DOCK8: variants seen among roughly 807,000 people sequenced by gnomAD.
DOCK8 encodes dedicator of cytokinesis 8, also known as dedicator of cytokinesis protein 8.
Under a neutral mutation model 245.6 loss-of-function variants are expected in DOCK8, and 141 were observed. That is an observed-to-expected ratio of 0.57 (90% CI 0.50 to 0.66). The LOEUF (loss-of-function observed/expected upper bound fraction) is 0.66. Among genes scored for constraint, DOCK8 ranks in the 30% least tolerant of loss-of-function variants. The probability of loss-of-function intolerance (pLI) is 0.00; values close to 1 mark genes in which losing one functional copy is unlikely to be tolerated. For synonymous variants in DOCK8, 1,168 were observed against 970.2 expected (o/e 1.20, Z -3.79); for missense variants, 2,965 against 2,603.4 (o/e 1.14, Z -3.02).
chr9:292,292 C>G (rs1339319974), intron 4 of DOCK8, among the ~76,000 whole-genome samples: 1 of 140,766 alleles, frequency 7.1e-6, no homozygotes, highest in African/African-American at 2.6e-5. Flanking sequence ...ATCACTTGAT[C>G]CTCTAAAAAT....
intron 1 of DOCK8, among the ~76,000 whole-genome samples, chr9:237,832 TA>T (rs1275824838): frequency 2.6e-5 from 4 of 152,272 alleles, no homozygotes; most frequent in South Asian, 4.1e-4. Flanking sequence ...AATATTGAGA[TA>T]TTTTTAAACA....
At chr9:423,176 G>A (rs1470137172) in intron 33 of DOCK8, among the ~76,000 whole-genome samples, 4 of 151,658 alleles carry the variant, frequency 2.6e-5, no homozygotes, top group Admixed American at 6.6e-5. Context: ...AATATATATT[G>A]TTACCAGAAA....
At chr9:417,746 G>C (rs1391270046) in intron 29 of DOCK8, among the ~76,000 whole-genome samples, 1 of 151,826 alleles carries the variant, frequency 6.6e-6, no homozygotes, top group East Asian at 1.9e-4. Context: ...TCTTCTATTT[G>C]GTCATTATTT....
intron 24 of DOCK8, among the ~76,000 whole-genome samples, chr9:396,309 C>G (rs143755347): frequency 1.3e-5 from 2 of 152,282 alleles, no homozygotes; most frequent in East Asian, 1.9e-4. Context: ...CACTGAAACT[C>G]AAGATAGGAG....
In DOCK8 at chr9:434,778, T is replaced by C; in HGVS notation, c.4887-5T>C. On this transcript the variant is annotated splice_polypyrimidine_tract_variant and splice_region_variant and intron_variant, in intron 38 of 47. Transcript: ENST00000432829. ...AAAACTACTTCTCACTCAATCTGTC[T>C]TCAGAATTGCCAAGAGTTACCAGGC... 1 of 1,613,986 alleles carries C rather than the reference T, an allele frequency of 6.2e-7. No homozygotes were observed.
intron 1 of DOCK8, among the ~76,000 whole-genome samples, chr9:264,025 G>T (rs1388278102): frequency 1.3e-5 from 2 of 152,134 alleles, no homozygotes; most frequent in Non-Finnish European, 2.9e-5. Context: ...TTCTGCTCCA[G>T]TTTCATCTCT....
At chr9:436,627 G>C (rs543214493) in intron 39 of DOCK8, among the ~76,000 whole-genome samples, 67 of 152,102 alleles carry the variant, frequency 4.4e-4, no homozygotes, top group African/African-American at 1.4e-3. Flanking sequence ...ATTTTACCTA[G>C]AATTCAGTTG....
At chr9:408,332 T>A (rs1353951428) in intron 28 of DOCK8, among the ~76,000 whole-genome samples, 3 of 152,194 alleles carry the variant, frequency 2.0e-5, no homozygotes, top group African/African-American at 7.2e-5. Context: ...TATGTCTGCG[T>A]CTCCTGGCAG....
chr9:333,038 G>T (rs145541723), intron 10 of DOCK8, among the ~76,000 whole-genome samples: 19 of 152,232 alleles, frequency 1.2e-4, no homozygotes, highest in African/African-American at 4.6e-4. Context: ...TAACTTGATT[G>T]GGGCAAGGCC....
intron 14 of DOCK8, among the ~76,000 whole-genome samples, chr9:366,754 C>T: frequency 6.6e-6 from 1 of 152,150 alleles, no homozygotes; most frequent in Non-Finnish European, 1.5e-5. Context: ...CACATTTTTG[C>T]TCAACGCCCC....
At position 368,437 on chromosome 9, in the gene DOCK8, A is replaced by G. The variant is rs928162544; in HGVS notation, c.1797+302A>G. The G allele has an allele frequency of 9.7e-6, 6 of 618,268 alleles. No individual in the cohort carries two copies. The African/African-American group carries it at 1.1e-4, about 11-fold the overall frequency. The allele number at this position is 618,268 out of a possible 1,614,324, so 38.3% of individuals were successfully genotyped here. On this transcript the variant is annotated intron_variant, in intron 15 of 47. Coordinates refer to ENST00000432829, the MANE Select transcript of DOCK8 (RefSeq NM_203447.4). ...GGACCACCCCACTCTAAAGGCATACAAAGTAAAGAGATGGCTCAACACGTG... is the reference window on the plus strand; with the variant it reads ...GGACCACCCCACTCTAAAGGCATACGAAGTAAAGAGATGGCTCAACACGTG...
intron 2 of DOCK8, among the ~76,000 whole-genome samples, chr9:281,235 G>C (rs1445203706): frequency 4.6e-5 from 7 of 150,812 alleles, no homozygotes; most frequent in Admixed American, 4.6e-4. Flanking sequence ...GCAACGGAGT[G>C]AGACTCTGTC....
chr9:219,207 C>G (rs999940546), intron 1 of DOCK8, among the ~76,000 whole-genome samples: 2 of 152,230 alleles, frequency 1.3e-5, no homozygotes, highest in Non-Finnish European at 2.9e-5. Flanking sequence ...CACTGGCTCA[C>G]GCCTGTAATC....
chr9:374,537 C>T (rs2053442157), intron 18 of DOCK8, among the ~76,000 whole-genome samples: 1 of 137,650 alleles, frequency 7.3e-6, no homozygotes, highest in South Asian at 2.5e-4. Context: ...TCACAGCTCA[C>T]TGTAATCTTG....
intron 23 of DOCK8, among the ~76,000 whole-genome samples, chr9:387,527 G>A (rs1383371470): frequency 1.3e-5 from 2 of 152,154 alleles, no homozygotes; most frequent in Non-Finnish European, 2.9e-5. Context: ...TGACATCACA[G>A]GGAAATGTTT....
At chr9:436,854 GTTCAGTTATAATT>G in intron 39 of DOCK8, among the ~76,000 whole-genome samples, 1 of 152,174 alleles carries the variant, frequency 6.6e-6, no homozygotes, top group South Asian at 2.1e-4. Flanking sequence ...TCCAATCTTT[GTTCAGTTATAATT>G]ATGAGAAATA....
At chr9:308,740 C>T (rs1001945267) in intron 5 of DOCK8, among the ~76,000 whole-genome samples, 1 of 152,148 alleles carries the variant, frequency 6.6e-6, no homozygotes, top group Non-Finnish European at 1.5e-5. Flanking sequence ...TCACTGCAAC[C>T]CCTGCCTCCC....
chr9:347,512 A>C (rs539301491), intron 14 of DOCK8, among the ~76,000 whole-genome samples: 1 of 152,280 alleles, frequency 6.6e-6, no homozygotes, highest in East Asian at 1.9e-4. Context: ...TCAAAAAACA[A>C]AAACAAAAAA....
chr9:273,078 G>C (rs559313825), intron 2 of DOCK8: 1 of 985,230 alleles, frequency 1.0e-6, no homozygotes, highest in East Asian at 1.1e-4. Flanking sequence ...TTTACGCGCC[G>C]TGTAACTGTG....
Sources: gnomAD v4.1 joint callset for allele counts (sites outside exome capture counted in the v4.1 genomes callset) on GRCh38, gnomAD v4.1.1 for gene constraint, MANE v1.5 for transcripts, NCBI Gene and HGNC (gene_info 2026-07-23, HGNC 2026-07-21) for gene names.